CTHRC1: variants seen among roughly 807,000 people sequenced by gnomAD.
CTHRC1 encodes the protein collagen triple helix repeat-containing protein 1.
Under a neutral mutation model 25.9 loss-of-function variants are expected in CTHRC1, and 21 were observed. The observed-to-expected ratio is 0.81, with a 90% CI of 0.57 to 1.17. The LOEUF (loss-of-function observed/expected upper bound fraction) is 1.17, where lower values mean the gene tolerates loss of function less well. Ranked by LOEUF, CTHRC1 falls within the 50% of genes most tolerant of loss-of-function variation. The pLI, the probability that CTHRC1 is intolerant of heterozygous loss-of-function variation, is 0.00. For missense variants in CTHRC1, 281 were observed against 304.3 expected, an observed-to-expected ratio of 0.92 and a Z score of 0.57; for synonymous variants, 109 against 113.1, an observed-to-expected ratio of 0.96 and a Z score of 0.23.
intron 1 of CTHRC1, among the ~76,000 whole-genome samples, chr8:103,373,659 T>G (rs1022554594): frequency 1.3e-5 from 2 of 148,948 alleles, no homozygotes; most frequent in Non-Finnish European, 3.0e-5. Context: ...ACTTGTCCTG[T>G]CCGTTGTCGC....
Position 103,382,771 on chromosome 8 carries a change from G to T in CTHRC1, c.*171G>T. 1.4e-6 allele frequency: 1 copy of T among 703,280 alleles called. No individual in the cohort carries two copies. The highest frequency in any genetic ancestry group is 2.5e-6 in the Non-Finnish European group (1 of 399,828). 43.6% of individuals were successfully genotyped at this position (703,280 alleles called of 1,614,324 possible). A position where few individuals can be genotyped will look rare whatever the true frequency, so the allele number is the denominator to read the frequency against. On this transcript the variant is annotated 3_prime_UTR_variant, in exon 4 of 4. Transcript: ENST00000330295. ...TTTTAAATCTAGCATTATTCATTTT[G>T]CTTCAATCAAAAGTGGTTTCAATAT...
intron 3 of CTHRC1, among the ~76,000 whole-genome samples, chr8:103,380,677 C>G (rs77737412): frequency 0.014 from 2,065 of 152,278 alleles, 49 homozygotes; most frequent in African/African-American, 0.047. Context: ...TGCTAAAGAC[C>G]ATGAAGTGAC....
intron 2 of CTHRC1, among the ~76,000 whole-genome samples, chr8:103,376,252 T>G (rs187079648): frequency 6.6e-6 from 1 of 152,210 alleles, no homozygotes; most frequent in Non-Finnish European, 1.5e-5. Context: ...TAAGCAACTT[T>G]CCAATCTTAT....
chr8:103,381,192 A>C (rs1815903814), intron 3 of CTHRC1, among the ~76,000 whole-genome samples: 1 of 151,902 alleles, frequency 6.6e-6, no homozygotes, highest in African/African-American at 2.4e-5. Context: ...TGTTTGCTGC[A>C]CCCATTAACT....
chr8:103,380,217 G>A (rs749425958), intron 3 of CTHRC1, among the ~76,000 whole-genome samples: 7 of 152,182 alleles, frequency 4.6e-5, no homozygotes, highest in Non-Finnish European at 1.0e-4. Flanking sequence ...TAAGGTGTGT[G>A]TTAATATTTT....
intron 1 of CTHRC1, chr8:103,372,771 C>T (rs1355196233): frequency 4.0e-6 from 3 of 749,864 alleles, no homozygotes; most frequent in African/African-American, 3.5e-5. Context: ...TAGTCCTTGG[C>T]ATATTATAAA....
intron 3 of CTHRC1, among the ~76,000 whole-genome samples, chr8:103,380,357 A>C (rs1032301230): frequency 6.6e-6 from 1 of 152,192 alleles, no homozygotes; most frequent in African/African-American, 2.4e-5. Context: ...GGAGTGTCAC[A>C]AGTAATTTGT....
rs148320662 is a variant in CTHRC1, at chr8:103,378,201, C to T, written c.547C>T (p.Pro183Ser). 2.5e-5 allele frequency: 41 copies of T among 1,613,834 alleles called. No homozygotes were observed. The highest frequency in any genetic ancestry group is 3.2e-5 in the Non-Finnish European group (38 of 1,179,982). ...TATAATTTATTTGGACCAAGGAAGCCCTGAAATGAATTCAACAATTAATAT... is the reference window on the plus strand; with the variant it reads ...TATAATTTATTTGGACCAAGGAAGCTCTGAAATGAATTCAACAATTAATAT... ...EAIIYLDQGSPEMNSTINIHR... is the reference protein window; with the variant it reads ...EAIIYLDQGSSEMNSTINIHR... Residue 183 changes from proline to serine, a missense_variant, in exon 3 of 4, where the codon CCT becomes TCT. Coordinates refer to ENST00000330295, the MANE Select transcript of CTHRC1 (RefSeq NM_138455.4).
Position 103,378,030 on chromosome 8 carries a change from T to G in CTHRC1, c.376T>G (p.Cys126Gly). ...CCCATTTCTATGTTTGTGACAGGAG[T>G]GTACATTTACAAAGATGCGTTCAAA... ...YGIDLGKIAE[C>G]TFTKMRSNSA... Residue 126 changes from cysteine (C) to glycine (G), a missense_variant, in exon 3 of 4, where the codon TGT (cysteine) becomes GGT (glycine). Physicochemically the swap from Cys to Gly is radical, Grantham distance 159. Coordinates refer to ENST00000330295, the MANE Select transcript of CTHRC1 (RefSeq NM_138455.4). 1 of 1,609,702 alleles carries G rather than the reference T, an allele frequency of 6.2e-7. No homozygotes were observed.
rs1815936062 is a variant in CTHRC1, at chr8:103,382,720, C to T, written c.*120C>T. Reference sequence around the variant, plus strand: ...TGAAAAGCAAAGCTAAATATGTTTACAGACCAAAGTGTGATTTCACACTGT... The same window carrying T: ...TGAAAAGCAAAGCTAAATATGTTTATAGACCAAAGTGTGATTTCACACTGT... On this transcript the variant is annotated 3_prime_UTR_variant, in exon 4 of 4. Transcript: ENST00000330295. The T allele has an allele frequency of 1.1e-6, 1 of 910,932 alleles. No individual in the cohort carries two copies. The highest frequency in any genetic ancestry group is 1.8e-6 in the Non-Finnish European group (1 of 547,962). The allele number at this position is 910,932 out of a possible 1,614,324, so 56.4% of individuals were successfully genotyped here.
In CTHRC1 at chr8:103,378,044, G is replaced by T; in HGVS notation, c.390G>T (p.Lys130Asn). Residue 130 changes from lysine to asparagine, a missense_variant, in exon 3 of 4, where the codon AAG (lysine) becomes AAT (asparagine). By Grantham distance (94) the Lys-to-Asn change is moderately conservative. Transcript: ENST00000330295. Reference sequence around the variant, plus strand: ...TGTGACAGGAGTGTACATTTACAAAGATGCGTTCAAATAGTGCTCTAAGAG... The same window carrying T: ...TGTGACAGGAGTGTACATTTACAAATATGCGTTCAAATAGTGCTCTAAGAG... ...LGKIAECTFT[K>N]MRSNSALRVL... 6.2e-7 allele frequency: 1 copy of T among 1,613,632 alleles called. No homozygotes were observed. Among genetic ancestry groups the T allele is most frequent in the Non-Finnish European group, 8.5e-7 (1 of 1,179,524 alleles).
rs1309042247 is a variant in CTHRC1 at position 103,378,214 on chromosome 8, C to T, written c.560C>T (p.Ser187Leu). 2 of 1,613,506 alleles carry T rather than the reference C, an allele frequency of 1.2e-6. No homozygotes were observed. Among genetic ancestry groups the T allele is most frequent in the Non-Finnish European group, 1.7e-6 (2 of 1,179,752 alleles). The change falls in exon 3 of 4, where the codon TCA becomes TTA. Residue 187 changes from serine (S) to leucine (L), a missense_variant. Physicochemically the swap from Ser to Leu is moderately radical, Grantham distance 145 (BLOSUM62 -2). Coordinates refer to ENST00000330295, the MANE Select transcript of CTHRC1 (RefSeq NM_138455.4). ...YLDQGSPEMNSTINIHRTSSV... is the reference protein window; with the variant it reads ...YLDQGSPEMNLTINIHRTSSV... The stretch of plus-strand genomic sequence containing the variant: ...GACCAAGGAAGCCCTGAAATGAATT[C>T]AACAATTAATATTCATCGCACTTCT...
intron 2 of CTHRC1, among the ~76,000 whole-genome samples, chr8:103,377,589 T>C (rs1432130065): frequency 6.6e-6 from 1 of 150,918 alleles, no homozygotes; most frequent in African/African-American, 2.4e-5. Context: ...TCTATAAAAG[T>C]TAAGCTTTAT....
intron 1 of CTHRC1, chr8:103,372,452 A>G: frequency 6.5e-7 from 1 of 1,547,144 alleles, no homozygotes; most frequent in Non-Finnish European, 8.7e-7. Context: ...AAGGCCGGAA[A>G]GGGAAATGAA....
At chr8:103,377,436 C>T in intron 2 of CTHRC1, 1 of 154,486 alleles carries the variant, frequency 6.5e-6, no homozygotes, top group Non-Finnish European at 1.4e-5. Flanking sequence ...TTGATTTTAT[C>T]AAAAGTACTG....
At chr8:103,377,855 C>T (rs189716470) in intron 2 of CTHRC1, among the ~76,000 whole-genome samples, 172 bp from the exon 3 acceptor site, 182 of 152,314 alleles carry the variant, frequency 1.2e-3, no homozygotes, top group Admixed American at 2.3e-3. Context: ...CTGCCCCCCT[C>T]GGCCTCCCAA....
At position 103,371,686 on chromosome 8, in the gene CTHRC1, G is replaced by A. The variant is rs571108843; in HGVS notation, c.30G>A (p.Pro10=). The A allele has an allele frequency of 3.3e-6, 5 of 1,532,994 alleles. No homozygotes were observed. The highest frequency in any genetic ancestry group is 4.0e-5 in the Admixed American group (2 of 49,720). The allele number at this position is 1,532,994 out of a possible 1,614,324, so 95.0% of individuals were successfully genotyped here. A position where few individuals can be genotyped will look rare whatever the true frequency, so the allele number is the denominator to read the frequency against. MRPQGPAAS[P]QRLRGLLLLL... is the part of the protein sequence containing the mutation. The stretch of plus-strand genomic sequence containing the variant: ...GACCCCAGGGCCCCGCCGCCTCCCC[G>A]CAGCGGCTCCGCGGCCTCCTGCTGC... Residue 10 remains proline, a synonymous_variant, in exon 1 of 4, where the codon CCG becomes CCA. Transcript: ENST00000330295.
rs1815698475 is a variant in CTHRC1, at chr8:103,371,642, CGGCAGCCG to C, written c.-12_-5del. On this transcript the variant is annotated 5_prime_UTR_variant, in exon 1 of 4. Coordinates refer to ENST00000330295, the MANE Select transcript of CTHRC1 (RefSeq NM_138455.4). ...CCTCCGCCTCCAGCTCCGCGCTGCC[CGGCAGCCG>C]GGAGCCATGCGACCCCAGGGCCCCG... is the stretch of plus-strand genomic sequence containing the variant. 1 of 1,530,358 alleles carries C rather than the reference CGGCAGCCG, an allele frequency of 6.5e-7. No homozygotes were observed. Among genetic ancestry groups the C allele is most frequent in the African/African-American group, 1.4e-5 (1 of 69,984 alleles). 94.8% of individuals were successfully genotyped at this position (1,530,358 alleles called of 1,614,324 possible).
chr8:103,371,565 G>C lies in CTHRC1; in HGVS notation c.-92G>C. The C allele has an allele frequency of 7.3e-7, 1 of 1,373,784 alleles. No individual in the cohort carries two copies. The highest frequency in any genetic ancestry group is 1.3e-5 in the South Asian group (1 of 76,320). 85.1% of individuals were successfully genotyped at this position (1,373,784 alleles called of 1,614,324 possible). The stretch of plus-strand genomic sequence containing the variant: ...AAGGCGCATTGATGCAGCCTGCGGC[G>C]GCCTCGGAGCGCGGCGGAGCCAGAC... On this transcript the variant is annotated 5_prime_UTR_variant, in exon 1 of 4. Coordinates refer to ENST00000330295, the MANE Select transcript of CTHRC1 (RefSeq NM_138455.4).
Sources: gnomAD v4.1 joint callset for allele counts (sites outside exome capture counted in the v4.1 genomes callset) on GRCh38, gnomAD v4.1.1 for gene constraint, MANE v1.5 for transcripts, NCBI Gene and HGNC (gene_info 2026-07-23, HGNC 2026-07-21) for gene names.